The following UNKL variants were observed in gnomAD, a reference collection of about 807,000 sequenced individuals.
UNKL encodes the protein putative E3 ubiquitin-protein ligase UNKL.
In UNKL, 60 loss-of-function variants were observed where a neutral mutation model predicts 78.0. That is an observed-to-expected ratio of 0.77 (90% CI 0.63 to 0.95). The LOEUF (loss-of-function observed/expected upper bound fraction) is 0.95. UNKL is among the 40% of genes least tolerant of loss of function. The probability of loss-of-function intolerance (pLI) is 0.00; values close to 1 mark genes in which losing one functional copy is unlikely to be tolerated. For missense variants in UNKL, 1,159 were observed against 1,045.7 expected (o/e 1.11, Z -1.49); for synonymous variants, 608 against 474.8 (o/e 1.28, Z -3.65).
chr16:1,394,855 C>T (rs1435128800), intron 6 of UNKL, among the ~76,000 whole-genome samples: 1 of 152,194 alleles, frequency 6.6e-6, no homozygotes, highest in African/African-American at 2.4e-5. Flanking sequence ...CGTCGGGCAC[C>T]CGGTGGGGTC....
Position 1,414,079 on chromosome 16 carries a change from G to A in UNKL, c.78-24C>T, listed in dbSNP as rs1303996866. ...ACCTACAAACACAGACAGCGCCGCG[G>A]CTCGCTTCCGGCAGCACCTCCAGGG... On this transcript the variant is annotated intron_variant, in intron 1 of 14. Transcript: ENST00000389221. 6.6e-6 allele frequency: 10 copies of A among 1,522,262 alleles called. No homozygotes were observed. The East Asian group carries it at 1.7e-4, about 26-fold the overall frequency. 94.3% of individuals were successfully genotyped at this position (1,522,262 alleles called of 1,614,324 possible).
At chr16:1,376,442 C>A (rs1200219328) in intron 10 of UNKL, among the ~76,000 whole-genome samples, 5 of 150,536 alleles carry the variant, frequency 3.3e-5, no homozygotes, top group Non-Finnish European at 5.9e-5. Context: ...CTCCCTCTTT[C>A]CAGGGCTGGC....
Position 1,390,888 on chromosome 16 carries a change from G to C in UNKL, c.1024-194C>G, listed in dbSNP as rs531528178. ...CTACTAAAAACACAAAAAATAGCCA[G>C]GCGTGGTGGCACATGCCTGTAGTTT... On this transcript the variant is annotated intron_variant, in intron 8 of 14. Coordinates refer to ENST00000389221, the MANE Select transcript of UNKL (RefSeq NM_001372107.1). 1.4e-4 allele frequency among the ~76,000 whole-genome samples: 21 copies of C among 152,224 alleles called. 1 individual carries two copies. Among genetic ancestry groups the C allele is most frequent in the Admixed American group, 1.3e-3 (20 of 15,276 alleles).
At chr16:1,406,067 C>G (rs772123379) in intron 2 of UNKL, 1 of 456,612 alleles carries the variant, frequency 2.2e-6, no homozygotes, top group African/African-American at 2.0e-5. Context: ...AGGGAACGTG[C>G]GAGAACCACC....
At position 1,399,396 on chromosome 16, in the gene UNKL, T is replaced by C. The variant is rs934843163; in HGVS notation, c.712A>G (p.Asn238Asp). 6.2e-7 allele frequency: 1 copy of C among 1,601,016 alleles called. No individual in the cohort carries two copies. Residue 238 changes from asparagine to aspartate, a missense_variant, in exon 5 of 15, where the codon AAC becomes GAC. Coordinates refer to ENST00000389221, the MANE Select transcript of UNKL (RefSeq NM_001372107.1). The surrounding 1 kb of genome is among the most constrained non-coding windows in gnomAD (Gnocchi z 5.8). ...CACCTGTACTGGAACCGCCGGGGGT[T>C]GCGCCGCCTGTCCCGGCTATTGTGG... ...HYHNSRDRRRNPRRFQYRSTP... is the reference protein window; with the variant it reads ...HYHNSRDRRRDPRRFQYRSTP...
chr16:1,407,987 C>G (rs2037845438), intron 2 of UNKL, among the ~76,000 whole-genome samples: 2 of 151,906 alleles, frequency 1.3e-5, no homozygotes, highest in African/African-American at 4.8e-5. Flanking sequence ...ATATGGATCG[C>G]TTGGGTACTC....
intron 7 of UNKL, among the ~76,000 whole-genome samples, chr16:1,393,525 G>C (rs1223719498): frequency 2.0e-5 from 3 of 152,022 alleles, no homozygotes; most frequent in African/African-American, 7.2e-5. Context: ...AGGAGGCCGC[G>C]TGGGTTCCCA....
At chr16:1,380,672 G>GGTTTT (rs1567215031) in intron 10 of UNKL, among the ~76,000 whole-genome samples, 1 of 32,942 alleles carries the variant, frequency 3.0e-5, no homozygotes, top group Middle Eastern at 0.017. Flanking sequence ...GCTGGTTCAG[G>GGTTTT]ATTTTTTTTT....
intron 10 of UNKL, among the ~76,000 whole-genome samples, chr16:1,377,739 A>G (rs752542693): frequency 1.4e-4 from 22 of 152,080 alleles, no homozygotes; most frequent in Admixed American, 3.9e-4. Flanking sequence ...CAGGGGCCAA[A>G]GCCCTTCCTC....
In UNKL at chr16:1,401,535, C is replaced by T. The variant is rs374037941; in HGVS notation, c.598+33G>A. ...GTTCTCGCGCTGTGCCCGCCCCCCCCACCACCGCCCTCAGCTGCGGCCGTG... is the reference window on the plus strand; with the variant it reads ...GTTCTCGCGCTGTGCCCGCCCCCCCTACCACCGCCCTCAGCTGCGGCCGTG... On this transcript the variant is annotated intron_variant, in intron 4 of 14. Coordinates refer to ENST00000389221, the MANE Select transcript of UNKL (RefSeq NM_001372107.1). The T allele has an allele frequency of 6.1e-5, 86 of 1,409,588 alleles. 1 individual carries two copies. Among genetic ancestry groups the T allele is most frequent in the East Asian group, 4.6e-4 (19 of 41,318 alleles). The allele number at this position is 1,409,588 out of a possible 1,614,324, so 87.3% of individuals were successfully genotyped here.
At chr16:1,405,215 A>T (rs1432807142) in intron 2 of UNKL, among the ~76,000 whole-genome samples, 1 of 91,910 alleles carries the variant, frequency 1.1e-5, no homozygotes, top group East Asian at 3.9e-4. Context: ...AAAAAAAAAA[A>T]AAAAAAAAGG....
intron 11 of UNKL, 131 bp downstream of exon 11, chr16:1,371,388 G>C (rs2035824864): frequency 7.0e-6 from 6 of 857,752 alleles, no homozygotes; most frequent in Non-Finnish European, 1.1e-5. Flanking sequence ...CTGTGGTCCA[G>C]GCAGGAGTGC....
intron 9 of UNKL, among the ~76,000 whole-genome samples, chr16:1,388,453 G>A (rs1390877374): frequency 6.6e-6 from 1 of 152,152 alleles, no homozygotes; most frequent in South Asian, 2.1e-4. Flanking sequence ...GCCTACTGGA[G>A]GCCATAAACC....
chr16:1,399,235 G>C lies in UNKL; in HGVS notation c.734+139C>G. 7.3e-7 allele frequency: 1 copy of C among 1,372,162 alleles called. No individual in the cohort carries two copies. The highest frequency in any genetic ancestry group is 9.6e-7 in the Non-Finnish European group (1 of 1,044,502). The allele number at this position is 1,372,162 out of a possible 1,614,324, so 85.0% of individuals were successfully genotyped here. A position where few individuals can be genotyped will look rare whatever the true frequency, so the allele number is the denominator to read the frequency against. On this transcript the variant is annotated intron_variant, in intron 5 of 14. Coordinates refer to ENST00000389221, the MANE Select transcript of UNKL (RefSeq NM_001372107.1). The surrounding 1 kb of genome is among the most constrained non-coding windows in gnomAD (Gnocchi z 5.8). ...GCACCTCCCACAGCCACTGTGCTTG[G>C]AGATGCCCTCCCCTCCCGGGGATGA...
At chr16:1,383,958 G>C in intron 10 of UNKL, 1 of 272,012 alleles carries the variant, frequency 3.7e-6, no homozygotes, top group Non-Finnish European at 8.1e-6. Flanking sequence ...CCAGACCCGG[G>C]CTGAGCTGAG....
In UNKL at chr16:1,403,485, A is replaced by G; in HGVS notation, c.288-141T>C. ...CCAGATTCCTGTTCTAATCAGAAGGACGGACACACTGGACGCAGCACCTGT... is the reference window on the plus strand; with the variant it reads ...CCAGATTCCTGTTCTAATCAGAAGGGCGGACACACTGGACGCAGCACCTGT... On this transcript the variant is annotated intron_variant, in intron 2 of 14. Transcript: ENST00000389221. The surrounding 1 kb of genome is among the most constrained non-coding windows in gnomAD (Gnocchi z 4.8). 9.2e-7 allele frequency: 1 copy of G among 1,092,022 alleles called. No individual in the cohort carries two copies. The highest frequency in any genetic ancestry group is 1.3e-6 in the Non-Finnish European group (1 of 778,490). The allele number at this position is 1,092,022 out of a possible 1,614,324, so 67.6% of individuals were successfully genotyped here. A position where few individuals can be genotyped will look rare whatever the true frequency, so the allele number is the denominator to read the frequency against.
chr16:1,397,003 C>G (rs2037294699), intron 6 of UNKL, 175 bp downstream of exon 6: 1 of 638,674 alleles, frequency 1.6e-6, no homozygotes, highest in Admixed American at 3.0e-5. Flanking sequence ...GGCCAGCAAG[C>G]AAGACAAGCA....
intron 14 of UNKL, among the ~76,000 whole-genome samples, 180 bp from the exon 15 acceptor site, chr16:1,366,575 CAG>C (rs1010507308): frequency 6.6e-6 from 1 of 151,974 alleles, no homozygotes; most frequent in African/African-American, 2.4e-5. Flanking sequence ...GCTGCGGGGT[CAG>C]GGGGTATGCT....
chr16:1,401,522 T>TGGG, intron 4 of UNKL, 46 bp downstream of exon 4: 1 of 1,467,592 alleles, frequency 6.8e-7, no homozygotes, highest in Non-Finnish European at 9.1e-7. Context: ...TCTCGCGCTG[T>TGGG]GCCCGCCCCC....
Sources: gnomAD v4.1 joint callset for allele counts (sites outside exome capture counted in the v4.1 genomes callset) on GRCh38, gnomAD v4.1.1 for gene constraint, Gnocchi (gnomAD v3.1) non-coding constraint, MANE v1.5 for transcripts, NCBI Gene and HGNC (gene_info 2026-07-23, HGNC 2026-07-21) for gene names.